NAA16: variants seen among roughly 807,000 people sequenced by gnomAD.
The protein encoded by NAA16 is NARG1-like protein.
NAA16 carries 97 observed loss-of-function variants against 110.3 expected under a neutral mutation model. The ratio of observed to expected loss-of-function variants is 0.88; its 90% CI spans 0.75 to 1.04. The LOEUF is 1.04. NAA16 is among the 50% of genes least tolerant of loss of function. The probability of loss-of-function intolerance (pLI) is 0.00; values close to 1 mark genes in which losing one functional copy is unlikely to be tolerated. For synonymous variants in NAA16, 372 were observed against 330.6 expected (o/e 1.13, Z -1.36); for missense variants, 1,017 against 1,005.1 (o/e 1.01, Z -0.16).
In NAA16 at chr13:41,316,950, A is replaced by C. The variant is rs2041825855; in HGVS notation, c.139+20A>C. 1 of 1,536,952 alleles carries C rather than the reference A, an allele frequency of 6.5e-7. No homozygotes were observed. On this transcript the variant is annotated intron_variant, in intron 2 of 19. Transcript: ENST00000379406. ...ATGGAGGTATTGTCTCATGTGAGAG[A>C]TTGCTTTAGGGAAATCAAATTCTAA...
chr13:41,320,786 C>T lies in NAA16; in HGVS notation c.364C>T (p.Leu122=). 1 of 1,612,370 alleles carries T rather than the reference C, an allele frequency of 6.2e-7. No homozygotes were observed. Among genetic ancestry groups the T allele is most frequent in the South Asian group, 1.1e-5 (1 of 90,630 alleles). Residue 122 remains leucine, a synonymous_variant, in exon 4 of 20, where the codon CTG becomes TTG. Coordinates refer to ENST00000379406, the MANE Select transcript of NAA16 (RefSeq NM_024561.5). ...DNLQILRDLS[L]LQIQMRDLEG... is the part of the protein sequence containing the mutation. ...CCTGCAAATTTTGAGGGATCTCTCACTGTTGCAGATCCAAATGAGAGACCT... is the reference window on the plus strand; with the variant it reads ...CCTGCAAATTTTGAGGGATCTCTCATTGTTGCAGATCCAAATGAGAGACCT...
chr13:41,326,257 T>G (rs985591500), intron 6 of NAA16, among the ~76,000 whole-genome samples: 8 of 152,214 alleles, frequency 5.3e-5, no homozygotes, highest in Non-Finnish European at 1.0e-4. Context: ...TCATTTATTT[T>G]CATTATGGGC....
chr13:41,352,777 C>CT (rs1206914441), intron 9 of NAA16, among the ~76,000 whole-genome samples: 1 of 151,992 alleles, frequency 6.6e-6, no homozygotes, highest in African/African-American at 2.4e-5. Context: ...TTTCCATTAC[C>CT]TTTTTTCCCC....
chr13:41,313,596 A>C (rs2041714817), intron 1 of NAA16, among the ~76,000 whole-genome samples: 2 of 152,266 alleles, frequency 1.3e-5, no homozygotes, highest in Admixed American at 1.3e-4. Flanking sequence ...GAAAAAATTC[A>C]AACACATCCA....
intron 1 of NAA16, among the ~76,000 whole-genome samples, chr13:41,313,422 G>A (rs2041705419): frequency 6.6e-6 from 1 of 152,150 alleles, no homozygotes; most frequent in African/African-American, 2.4e-5. Context: ...AATTTAGGAG[G>A]ATTCTGCATA....
intron 2 of NAA16, among the ~76,000 whole-genome samples, chr13:41,317,740 A>T (rs1386583843): frequency 6.6e-6 from 1 of 152,226 alleles, no homozygotes; most frequent in Admixed American, 6.5e-5. Context: ...GCCTGTGGGA[A>T]AGTTCAATAT....
chr13:41,358,247 AAT>A, intron 10 of NAA16, 55 bp from the exon 11 acceptor site: 1 of 1,435,058 alleles, frequency 7.0e-7, no homozygotes, highest in African/African-American at 1.4e-5. Flanking sequence ...GGAGAGAGAA[AAT>A]ATGTGATTTG....
In NAA16 at chr13:41,311,504, C is replaced by G. The variant is rs556345479; in HGVS notation, c.-25C>G. The G allele has an allele frequency of 4.4e-6, 7 of 1,583,548 alleles. No homozygotes were observed. Among genetic ancestry groups the G allele is most frequent in the South Asian group, 2.3e-5 (2 of 86,728 alleles). On this transcript the variant is annotated 5_prime_UTR_variant, in exon 1 of 20. Coordinates refer to ENST00000379406, the MANE Select transcript of NAA16 (RefSeq NM_024561.5). Reference sequence around the variant, plus strand: ...CCCGGGCACCTAGCCTCCCTGCCGGCCACCTAGCCTCCCTGCCGGCCACGA... The same window carrying G: ...CCCGGGCACCTAGCCTCCCTGCCGGGCACCTAGCCTCCCTGCCGGCCACGA...
intron 7 of NAA16, among the ~76,000 whole-genome samples, chr13:41,330,933 T>C (rs1433363352): frequency 6.6e-6 from 1 of 152,092 alleles, no homozygotes; most frequent in Non-Finnish European, 1.5e-5. Flanking sequence ...ACCTACGTTA[T>C]AAAAAGATTT....
rs2041575682 is a variant in NAA16 at position 41,311,690 on chromosome 13, C to T, written c.54+108C>T. 6 of 1,016,148 alleles carry T rather than the reference C, an allele frequency of 5.9e-6. No homozygotes were observed. In the Admixed American group the frequency reaches 9.9e-5, roughly 17 times the overall value. 62.9% of individuals were successfully genotyped at this position (1,016,148 alleles called of 1,614,324 possible). On this transcript the variant is annotated intron_variant, in intron 1 of 19. Transcript: ENST00000379406. ...GCGGGCCAGGCTTGGCCTCCGCTGC[C>T]CACCGCTCTTTGTTTACCTCGGAGG... is the stretch of plus-strand genomic sequence containing the variant.
rs573042620 is a variant in NAA16, at chr13:41,320,344, A to C, written c.245-323A>C. Among the ~76,000 whole-genome samples the C allele has an allele frequency of 1.8e-3, 276 of 152,300 alleles. 1 individual carries two copies. The highest frequency in any genetic ancestry group is 6.1e-3 in the African/African-American group (254 of 41,568). Reference sequence around the variant, plus strand: ...GAAAGTGATGGGATAGAGGGTAGAAAATGTGAAGAATTTTTGCTAAGAATT... The same window carrying C: ...GAAAGTGATGGGATAGAGGGTAGAACATGTGAAGAATTTTTGCTAAGAATT... On this transcript the variant is annotated intron_variant, in intron 3 of 19. Coordinates refer to ENST00000379406, the MANE Select transcript of NAA16 (RefSeq NM_024561.5).
chr13:41,351,753 A>G (rs1476700343), intron 9 of NAA16, among the ~76,000 whole-genome samples: 1 of 130,746 alleles, frequency 7.6e-6, no homozygotes, highest in African/African-American at 3.0e-5. Context: ...AACTTGGAAA[A>G]TTTTTCACAT....
chr13:41,367,280 T>A (rs6560981), intron 13 of NAA16, among the ~76,000 whole-genome samples, 159 bp from the exon 14 acceptor site: 144,160 of 152,184 alleles, frequency 0.95, 68,349 homozygotes, highest in South Asian at 0.99. Flanking sequence ...ATGCCAAAAA[T>A]AATTCATATC....
Position 41,358,912 on chromosome 13 carries a change from C to G in NAA16, c.1360C>G (p.Arg454Gly), listed in dbSNP as rs749581692. 1 of 1,610,882 alleles carries G rather than the reference C, an allele frequency of 6.2e-7. No homozygotes were observed. The highest frequency in any genetic ancestry group is 1.1e-5 in the South Asian group (1 of 90,738). Residue 454 changes from arginine to glycine, a missense_variant, in exon 12 of 20, where the codon CGA becomes GGA. By Grantham distance (125) the Arg-to-Gly change is moderately radical. Transcript: ENST00000379406. ...TTCCAAATGTGCAAAATACATGCTT[C>G]GAGCAAATATGATAAAAGAAGCAGA... ...INSKCAKYML[R>G]ANMIKEAEEM...
At chr13:41,371,148 A>G (rs2043308514) in intron 15 of NAA16, among the ~76,000 whole-genome samples, 1 of 152,256 alleles carries the variant, frequency 6.6e-6, no homozygotes, top group Non-Finnish European at 1.5e-5. Flanking sequence ...AGGAATTAAT[A>G]GAAGGCAACT....
intron 8 of NAA16, among the ~76,000 whole-genome samples, chr13:41,333,950 C>G (rs773515399): frequency 8.6e-5 from 13 of 151,868 alleles, no homozygotes; most frequent in Non-Finnish European, 1.5e-4. Context: ...CAAAACAGGT[C>G]TCAGTGGAGG....
chr13:41,364,907 C>T (rs925490151), intron 13 of NAA16, among the ~76,000 whole-genome samples: 3 of 151,994 alleles, frequency 2.0e-5, no homozygotes, highest in Non-Finnish European at 2.9e-5. Context: ...TAGTCACATC[C>T]GGGAACTCTG....
intron 9 of NAA16, among the ~76,000 whole-genome samples, chr13:41,349,891 G>C (rs1358391403): frequency 6.6e-6 from 1 of 151,986 alleles, no homozygotes; most frequent in African/African-American, 2.4e-5. Flanking sequence ...AACCCGGGAG[G>C]GGGCAGTTGC....
Position 41,311,429 on chromosome 13 carries a change from C to A in NAA16, c.-100C>A. 1 of 1,166,468 alleles carries A rather than the reference C, an allele frequency of 8.6e-7. No individual in the cohort carries two copies. Among genetic ancestry groups the A allele is most frequent in the Non-Finnish European group, 1.2e-6 (1 of 807,960 alleles). 72.3% of individuals were successfully genotyped at this position (1,166,468 alleles called of 1,614,324 possible). A position where few individuals can be genotyped will look rare whatever the true frequency, so the allele number is the denominator to read the frequency against. The stretch of plus-strand genomic sequence containing the variant: ...ATGAACTAATCCATCGCCCGCAGCC[C>A]GACTCTCAGCAGCGGTTCGTCCCGG... On this transcript the variant is annotated 5_prime_UTR_variant, in exon 1 of 20. Transcript: ENST00000379406.
Sources: gnomAD v4.1 joint callset for allele counts (sites outside exome capture counted in the v4.1 genomes callset) on GRCh38, gnomAD v4.1.1 for gene constraint, MANE v1.5 for transcripts, NCBI Gene and HGNC (gene_info 2026-07-23, HGNC 2026-07-21) for gene names.